Variants in ATP1A3 observed in about 807,000 individuals in gnomAD.
ATP1A3 encodes the protein sodium/potassium-transporting ATPase subunit alpha-3.
ATP1A3 carries 12 observed loss-of-function variants against 108.8 expected under a neutral mutation model. The observed-to-expected ratio is 0.11, with a 90% CI of 0.07 to 0.18. The LOEUF (loss-of-function observed/expected upper bound fraction) is 0.18, where lower values mean the gene tolerates loss of function less well. ATP1A3 is among the 10% of genes least tolerant of loss of function. ATP1A3 has a pLI of 1.00. For synonymous variants in ATP1A3, 539 were observed against 564.5 expected (o/e 0.95, Z 0.64); for missense variants, 498 against 1,387.7 (o/e 0.36, Z 10.19).
At chr19:41,986,310 G>A (rs2075286047) in intron 4 of ATP1A3, 81 bp from the exon 5 acceptor site, 15 of 1,411,412 alleles carry the variant, frequency 1.1e-5, no homozygotes, top group Non-Finnish European at 1.4e-5. Context: ...AGTCTGGGAA[G>A]GGAGCTTTGT....
rs781915542 is a variant in ATP1A3 at position 41,970,282 on chromosome 19, C to T, written c.2445G>A (p.Glu815=). 37 of 1,614,076 alleles carry T rather than the reference C, an allele frequency of 2.3e-5. No homozygotes were observed. Among genetic ancestry groups the T allele is most frequent in the Non-Finnish European group, 3.1e-5 (36 of 1,180,058 alleles). Residue 815 remains glutamate, a synonymous_variant, in exon 18 of 23, where the codon GAG becomes GAA. Transcript: ENST00000648268. ...TCTTCATGATGTCGCTTTCGGCAGC[C>T]TCGTACGCCAGTGAGATGGCAGGGA... ...DMVPAISLAY[E]AAESDIMKRQ...
chr19:41,990,193 C>T (rs947343490), intron 1 of ATP1A3, among the ~76,000 whole-genome samples: 3 of 151,886 alleles, frequency 2.0e-5, no homozygotes, highest in African/African-American at 7.3e-5. Context: ...CTGTTTCAAC[C>T]TCTCTCTGTC....
In ATP1A3 at chr19:41,981,791, C is replaced by G; in HGVS notation, c.1233G>C (p.Leu411=). 1 of 1,614,252 alleles carries G rather than the reference C, an allele frequency of 6.2e-7. No homozygotes were observed. Among genetic ancestry groups the G allele is most frequent in the Non-Finnish European group, 8.5e-7 (1 of 1,180,046 alleles). Residue 411 remains leucine (L), a synonymous_variant, in exon 10 of 23, where the codon CTG becomes CTC. Transcript: ENST00000648268. The surrounding 1 kb of genome is among the most constrained non-coding windows in gnomAD (Gnocchi z 5.0). The part of the protein sequence containing the change: ...FDKSSHTWVA[L]SHIAGLCNRA... ...GATTGCAGAGCCCAGCGATGTGAGA[C>G]AGGGCCACCCAGGTGTGCGAACTCT... is the stretch of plus-strand genomic sequence containing the variant.
intron 1 of ATP1A3, 160 bp downstream of exon 1, chr19:41,993,911 C>T (rs1369321852): frequency 5.8e-6 from 8 of 1,374,150 alleles, no homozygotes; most frequent in Admixed American, 2.2e-5. Context: ...CCCCTGCGGC[C>T]CCACGACCAC....
Position 41,976,577 on chromosome 19 carries a change from C to A in ATP1A3, c.1944-11G>T, listed in dbSNP as rs2075173175. 7 of 1,613,760 alleles carry A rather than the reference C, an allele frequency of 4.3e-6. No individual in the cohort carries two copies. The East Asian group carries it at 1.6e-4, about 36-fold the overall frequency. ...CAGGCCTTGGCATCCCTGGGAAGAG[C>A]AGAGAGAGCGATGGCTGAGGTCAGG... On this transcript the variant is annotated splice_polypyrimidine_tract_variant and intron_variant, in intron 14 of 22. Coordinates refer to ENST00000648268, the MANE Select transcript of ATP1A3 (RefSeq NM_152296.5).
chr19:41,969,789 G>A (rs2075082510), intron 18 of ATP1A3, among the ~76,000 whole-genome samples: 1 of 152,212 alleles, frequency 6.6e-6, no homozygotes, highest in Non-Finnish European at 1.5e-5. Flanking sequence ...CAGGGGCTTT[G>A]GAGAGAGGGC....
At position 41,975,617 on chromosome 19, in the gene ATP1A3, T is replaced by G. The variant is rs1555860780; in HGVS notation, c.2263+12A>C. On this transcript the variant is annotated intron_variant, in intron 16 of 22. Transcript: ENST00000648268. Reference sequence around the variant, plus strand: ...TGACCCTGGTCTCCAGGGCCACCCCTGGCCAACTCACCCTCCTCCACCCCT... The same window carrying G: ...TGACCCTGGTCTCCAGGGCCACCCCGGGCCAACTCACCCTCCTCCACCCCT... The G allele has an allele frequency of 6.2e-7, 1 of 1,613,722 alleles. No individual in the cohort carries two copies. Among genetic ancestry groups the G allele is most frequent in the African/African-American group, 1.3e-5 (1 of 74,892 alleles).
rs782016226 is a variant in ATP1A3 at position 41,988,448 on chromosome 19, G to C, written c.93+28C>G. 2 of 1,614,108 alleles carry C rather than the reference G, an allele frequency of 1.2e-6. No individual in the cohort carries two copies. Among genetic ancestry groups the C allele is most frequent in the Admixed American group, 1.7e-5 (1 of 60,014 alleles). On this transcript the variant is annotated intron_variant, in intron 2 of 22. Transcript: ENST00000648268. The surrounding 1 kb of genome is among the most constrained non-coding windows in gnomAD (Gnocchi z 5.3). ...CAAGAACTGGCGAGGTTCTCTGGGA[G>C]GGTGTGCGGGCAGAGGGCGAGGCTT...
chr19:41,986,244 G>T lies in ATP1A3; in HGVS notation c.358-15C>A. 1 of 1,613,158 alleles carries T rather than the reference G, an allele frequency of 6.2e-7. No individual in the cohort carries two copies. The highest frequency in any genetic ancestry group is 8.5e-7 in the Non-Finnish European group (1 of 1,179,642). Reference sequence around the variant, plus strand: ...CCCAGGTACAGCTGTGGGGAGATGTGGGGATGTTGATCAGGGGCCGCCCAA... The same window carrying T: ...CCCAGGTACAGCTGTGGGGAGATGTTGGGATGTTGATCAGGGGCCGCCCAA... On this transcript the variant is annotated splice_polypyrimidine_tract_variant and intron_variant, in intron 4 of 22. Transcript: ENST00000648268.
At chr19:41,980,910 C>CA (rs1204047934) in intron 11 of ATP1A3, among the ~76,000 whole-genome samples, 183 of 125,764 alleles carry the variant, frequency 1.5e-3, no homozygotes, top group Middle Eastern at 4.0e-3. Context: ...AACTCTGTCT[C>CA]AAAAAAAAAA....
intron 1 of ATP1A3, chr19:41,993,004 C>G (rs1393958101): frequency 6.8e-6 from 1 of 146,086 alleles, no homozygotes; most frequent in Non-Finnish European, 1.5e-5. Context: ...TTCCCAGCCC[C>G]CCGGCCCACC....
chr19:41,987,862 T>C (rs2075300887), intron 4 of ATP1A3, 74 bp downstream of exon 4: 2 of 1,547,862 alleles, frequency 1.3e-6, no homozygotes, highest in East Asian at 2.2e-5. Flanking sequence ...CTTAGAGGGA[T>C]GGGAAGAAGT....
intron 1 of ATP1A3, chr19:41,993,277 G>A (rs2075357345): frequency 9.4e-7 from 1 of 1,059,980 alleles, no homozygotes; most frequent in Non-Finnish European, 1.4e-6. Flanking sequence ...CTGCTGGAGA[G>A]ACTCACAGAC....
Position 41,966,983 on chromosome 19 carries a change from GA to G in ATP1A3, c.3014-19del, listed in dbSNP as rs1555858740. On this transcript the variant is annotated intron_variant, in intron 22 of 22. Transcript: ENST00000648268. ...CACCCAACCTGGAGAGACAAAGAAG[GA>G]AAGAAAGAGACAGAGTAAGAGATGG... The G allele has an allele frequency of 6.4e-7, 1 of 1,551,600 alleles. No individual in the cohort carries two copies. The highest frequency in any genetic ancestry group is 8.7e-7 in the Non-Finnish European group (1 of 1,146,984).
chr19:41,976,556 C>A lies in ATP1A3; in HGVS notation c.1954G>T (p.Ala652Ser). Reference protein sequence around the residue: ...VSQVNPRDAKACVIHGTDLKD... With the variant: ...VSQVNPRDAKSCVIHGTDLKD... ...AGGTCGGTGCCGTGGATCACGCAGG[C>A]CTTGGCATCCCTGGGAAGAGCAGAG... The change falls in exon 15 of 23, where the codon GCC becomes TCC. Residue 652 changes from alanine (A) to serine (S), a missense_variant. This residue lies in a region of ATP1A3 where 31 missense variants were observed against 132.5 expected (regional missense o/e 0.23). Coordinates refer to ENST00000648268, the MANE Select transcript of ATP1A3 (RefSeq NM_152296.5). 2 of 1,613,994 alleles carry A rather than the reference C, an allele frequency of 1.2e-6. No individual in the cohort carries two copies. Among genetic ancestry groups the A allele is most frequent in the South Asian group, 1.1e-5 (1 of 91,074 alleles).
intron 1 of ATP1A3, chr19:41,993,542 CACACA>C: frequency 8.7e-7 from 1 of 1,144,854 alleles, no homozygotes; most frequent in Non-Finnish European, 1.2e-6. Flanking sequence ...CACACACACA[CACACA>C]CACTGCGGAG....
At chr19:41,983,766 A>ATTTTTT (rs556483707) in intron 8 of ATP1A3, among the ~76,000 whole-genome samples, 4 of 101,264 alleles carry the variant, frequency 4.0e-5, no homozygotes, top group South Asian at 3.1e-4. Context: ...ATTTAAAAAA[A>ATTTTTT]TTTTTTTTTT....
At chr19:41,984,518 C>T (rs557973580) in intron 8 of ATP1A3, 4 of 206,654 alleles carry the variant, frequency 1.9e-5, no homozygotes, top group African/African-American at 9.3e-5. Context: ...GCCAGTGCAC[C>T]CAGCCTCATT....
In ATP1A3 at chr19:41,983,188, G is replaced by C. The variant is rs1459137932; in HGVS notation, c.994-1082C>G. ...CACCTCCCAGGTTCAAGCAATTCTT[G>C]TGCCTCAGCCTCCCAAGTAGCTGGG... On this transcript the variant is annotated intron_variant, in intron 8 of 22. Transcript: ENST00000648268. Among the ~76,000 whole-genome samples, 27 of 151,288 alleles carry C rather than the reference G, an allele frequency of 1.8e-4. No homozygotes were observed. The Admixed American group carries it at 1.8e-3, about 10-fold the overall frequency.
Sources: allele counts gnomAD v4.1 joint callset (sites outside exome capture counted in the v4.1 genomes callset), GRCh38; gene constraint gnomAD v4.1.1; regional missense constraint gnomAD v4.1.1; non-coding constraint Gnocchi (gnomAD v3.1); transcripts MANE v1.5; gene names NCBI Gene and HGNC (gene_info 2026-07-23, HGNC 2026-07-21).